The following MVB12B variants were observed in gnomAD, a reference collection of about 807,000 sequenced individuals.
MVB12B encodes ESCRT-I complex subunit MVB12B.
MVB12B carries 16 observed loss-of-function variants against 41.6 expected under a neutral mutation model. That is an observed-to-expected ratio of 0.38 (90% CI 0.26 to 0.58). The LOEUF (loss-of-function observed/expected upper bound fraction) is 0.58. Ranked by LOEUF, MVB12B falls within the 20% of genes least tolerant of loss-of-function variation. The probability of loss-of-function intolerance (pLI) is 0.62; values close to 1 mark genes in which losing one functional copy is unlikely to be tolerated. For synonymous variants in MVB12B, 133 were observed against 139.7 expected (o/e 0.95, Z 0.34); for missense variants, 274 against 380.2 (o/e 0.72, Z 2.32).
At chr9:126,407,644 C>A (rs1050867392) in intron 6 of MVB12B, among the ~76,000 whole-genome samples, 1 of 152,120 alleles carries the variant, frequency 6.6e-6, no homozygotes, top group African/African-American at 2.4e-5. Context: ...CCCTCACAAC[C>A]CAGTTCTTCC....
intron 6 of MVB12B, among the ~76,000 whole-genome samples, chr9:126,401,240 A>G (rs1240761648): frequency 1.3e-5 from 2 of 152,192 alleles, no homozygotes; most frequent in African/African-American, 4.8e-5. Context: ...CCCCTGCAAG[A>G]TGCAGCTCCC....
At chr9:126,373,941 C>G (rs1046209558) in intron 2 of MVB12B, among the ~76,000 whole-genome samples, 1 of 152,202 alleles carries the variant, frequency 6.6e-6, no homozygotes, top group African/African-American at 2.4e-5. Context: ...TTATATTTGC[C>G]TAGATCCTTT....
At chr9:126,364,291 A>G (rs1365501569) in intron 2 of MVB12B, among the ~76,000 whole-genome samples, 1 of 152,222 alleles carries the variant, frequency 6.6e-6, no homozygotes, top group Non-Finnish European at 1.5e-5. Context: ...GTCATCGGGC[A>G]TGACTCATGA....
At position 126,392,240 on chromosome 9, in the gene MVB12B, A is replaced by C. The variant is rs113956145; in HGVS notation, c.539+45A>C. The C allele has an allele frequency of 1.2e-6, 2 of 1,608,966 alleles. No individual in the cohort carries two copies. The highest frequency in any genetic ancestry group is 2.7e-5 in the African/African-American group (2 of 74,788). On this transcript the variant is annotated intron_variant, in intron 5 of 9. Transcript: ENST00000361171. This position sits in a 1 kb window ranked among gnomAD's most constrained non-coding sequence, Gnocchi z 4.8. ...CTGTCAGCTGCTTCTCTTCCCTGAGAGCACTCAGGCCACTCCAGGCAATGA... is the reference window on the plus strand; with the variant it reads ...CTGTCAGCTGCTTCTCTTCCCTGAGCGCACTCAGGCCACTCCAGGCAATGA...
chr9:126,430,715 G>C (rs946289747), intron 7 of MVB12B, among the ~76,000 whole-genome samples: 2 of 151,604 alleles, frequency 1.3e-5, no homozygotes, highest in East Asian at 3.9e-4. Context: ...CCCTGATAGG[G>C]CATTTGGGGT....
At chr9:126,345,360 A>G (rs60115822) in intron 2 of MVB12B, among the ~76,000 whole-genome samples, 2,815 of 152,318 alleles carry the variant, frequency 0.018, 90 homozygotes, top group African/African-American at 0.065. Context: ...ATCCCACCCA[A>G]CACACAGGAG....
In MVB12B at chr9:126,386,594, G is replaced by A; in HGVS notation, c.345G>A (p.Lys115=). 2 of 1,614,010 alleles carry A rather than the reference G, an allele frequency of 1.2e-6. No homozygotes were observed. Among genetic ancestry groups the A allele is most frequent in the South Asian group, 1.1e-5 (1 of 91,082 alleles). ...SHLGNVLVDM[K]LIDIKDTLPV... is the part of the protein sequence containing the mutation. ...TGGGGAACGTGTTAGTAGATATGAA[G>A]CTCATTGACATCAAGGACACACTGC... Residue 115 remains lysine, a synonymous_variant, in exon 4 of 10, where the codon AAG becomes AAA. Transcript: ENST00000361171. This position sits in a 1 kb window ranked among gnomAD's most constrained non-coding sequence, Gnocchi z 4.3.
intron 7 of MVB12B, among the ~76,000 whole-genome samples, chr9:126,456,422 ATT>A (rs1832986900): frequency 1.3e-5 from 2 of 152,220 alleles, no homozygotes; most frequent in Admixed American, 1.3e-4. Context: ...ATTTAAATAA[ATT>A]TTGTCACTAA....
intron 7 of MVB12B, among the ~76,000 whole-genome samples, chr9:126,422,525 G>A (rs1239031066): frequency 6.6e-6 from 1 of 152,146 alleles, no homozygotes; most frequent in African/African-American, 2.4e-5. Flanking sequence ...CCTTATTACA[G>A]AATTGAGATT....
chr9:126,338,005 G>T (rs763558747), intron 1 of MVB12B, among the ~76,000 whole-genome samples: 5 of 152,266 alleles, frequency 3.3e-5, no homozygotes, highest in Non-Finnish European at 5.9e-5. Flanking sequence ...CAGAAAATAT[G>T]TAATTCAGGG....
intron 7 of MVB12B, among the ~76,000 whole-genome samples, chr9:126,464,170 G>A (rs1833146599): frequency 6.6e-6 from 1 of 152,174 alleles, no homozygotes; most frequent in Admixed American, 6.5e-5. Flanking sequence ...AGACATCCAG[G>A]CAGATGATCG....
chr9:126,425,137 G>A (rs1158369117), intron 7 of MVB12B, among the ~76,000 whole-genome samples: 2 of 152,166 alleles, frequency 1.3e-5, no homozygotes, highest in African/African-American at 2.4e-5. Flanking sequence ...GCTGGGAGTG[G>A]TGGTGCATGC....
intron 7 of MVB12B, among the ~76,000 whole-genome samples, chr9:126,444,406 A>C (rs1316663044): frequency 6.6e-6 from 1 of 151,940 alleles, no homozygotes; most frequent in Non-Finnish European, 1.5e-5. Flanking sequence ...ATCAATTGGA[A>C]GGTGAAGGGG....
At chr9:126,335,054 G>C (rs529230365) in intron 1 of MVB12B, among the ~76,000 whole-genome samples, 24 of 145,382 alleles carry the variant, frequency 1.7e-4, no homozygotes, top group Admixed American at 1.1e-3. Flanking sequence ...TCTTCTGTTG[G>C]GGGGGAAAGG....
chr9:126,343,089 G>A (rs974075326), intron 2 of MVB12B, among the ~76,000 whole-genome samples: 2 of 152,182 alleles, frequency 1.3e-5, no homozygotes, highest in African/African-American at 4.8e-5. Context: ...TGAGGTAAAA[G>A]GTGCCAAATG....
At position 126,440,396 on chromosome 9, in the gene MVB12B, A is replaced by G. The variant is rs539033435; in HGVS notation, c.757+18448A>G. On this transcript the variant is annotated intron_variant, in intron 7 of 9. Coordinates refer to ENST00000361171, the MANE Select transcript of MVB12B (RefSeq NM_033446.3). ...TGAACTTCCCGTGGAAGCATCTGCC[A>G]GGTAAGGTGTGCACAGTCTGGCATC... is the stretch of plus-strand genomic sequence containing the variant. 8.5e-5 allele frequency among the ~76,000 whole-genome samples: 13 copies of G among 152,368 alleles called. No individual in the cohort carries two copies. In the East Asian group the frequency reaches 2.1e-3, roughly 25 times the overall value.
rs1250858925 is a variant in MVB12B, at chr9:126,459,971, G to A, written c.758-21398G>A. Reference sequence around the variant, plus strand: ...ATTTGGGGCATGTGCTTTGGACTTTGAATTTGAGGCTCCCATTTGAAACCA... The same window carrying A: ...ATTTGGGGCATGTGCTTTGGACTTTAAATTTGAGGCTCCCATTTGAAACCA... On this transcript the variant is annotated intron_variant, in intron 7 of 9. Coordinates refer to ENST00000361171, the MANE Select transcript of MVB12B (RefSeq NM_033446.3). The surrounding 1 kb of genome is among the most constrained non-coding windows in gnomAD (Gnocchi z 4.3). Among the ~76,000 whole-genome samples the A allele has an allele frequency of 1.3e-5, 2 of 152,196 alleles. No individual in the cohort carries two copies. Among genetic ancestry groups the A allele is most frequent in the African/African-American group, 4.8e-5 (2 of 41,446 alleles).
At chr9:126,455,987 T>C (rs1408533120) in intron 7 of MVB12B, among the ~76,000 whole-genome samples, 4 of 145,760 alleles carry the variant, frequency 2.7e-5, no homozygotes, top group Non-Finnish European at 4.5e-5. Context: ...ACCTCCCAGA[T>C]TCAAGCAGTT....
chr9:126,422,694 A>C (rs1205536869), intron 7 of MVB12B, among the ~76,000 whole-genome samples: 2 of 152,230 alleles, frequency 1.3e-5, no homozygotes, highest in East Asian at 3.8e-4. Flanking sequence ...GGTGAGTGAC[A>C]TTTTGAACAC....
Sources: gnomAD v4.1 joint callset for allele counts (sites outside exome capture counted in the v4.1 genomes callset) on GRCh38, gnomAD v4.1.1 for gene constraint, Gnocchi (gnomAD v3.1) non-coding constraint, MANE v1.5 for transcripts, NCBI Gene and HGNC (gene_info 2026-07-23, HGNC 2026-07-21) for gene names.